Variants in TFEC observed in about 807,000 individuals in gnomAD.
TFEC encodes the protein transcription factor EC.
Under a neutral mutation model 41.6 loss-of-function variants are expected in TFEC, and 31 were observed. That is an observed-to-expected ratio of 0.74 (90% CI 0.56 to 1.01). The LOEUF (loss-of-function observed/expected upper bound fraction) is 1.01. Among genes scored for constraint, TFEC ranks in the 50% least tolerant of loss-of-function variants. The pLI is 0.00. For synonymous variants in TFEC, 143 were observed against 140.6 expected (o/e 1.02, Z -0.12); for missense variants, 402 against 404.1 (o/e 0.99, Z 0.04).
chr7:115,958,658 A>AG (rs780268567), intron 3 of TFEC, among the ~76,000 whole-genome samples: 22 of 152,012 alleles, frequency 1.4e-4, no homozygotes, highest in Non-Finnish European at 2.2e-4. Flanking sequence ...GACAGCACCC[A>AG]GTGCATTATT....
At chr7:116,059,624 A>G (rs4419752) in intron 3 of TFEC, among the ~76,000 whole-genome samples, 36,526 of 151,888 alleles carry the variant, frequency 0.24, 4,554 homozygotes, top group East Asian at 0.39. Flanking sequence ...CAACATTATC[A>G]AGTGAAAAAA....
chr7:116,142,209 A>C (rs1393401086), intron 1 of TFEC, among the ~76,000 whole-genome samples: 1 of 152,094 alleles, frequency 6.6e-6, no homozygotes, highest in Non-Finnish European at 1.5e-5. Flanking sequence ...GGGGTTCTCC[A>C]TTTTCTTCAC....
chr7:115,991,883 C>G (rs181273152), intron 1 of TFEC, among the ~76,000 whole-genome samples: 3 of 152,312 alleles, frequency 2.0e-5, no homozygotes, highest in Admixed American at 6.5e-5. Flanking sequence ...GAACTCTCCA[C>G]CTTAAATCAA....
chr7:116,030,023 G>A (rs1269244448), intron 1 of TFEC, among the ~76,000 whole-genome samples: 3 of 152,044 alleles, frequency 2.0e-5, no homozygotes, highest in African/African-American at 7.2e-5. Context: ...CAGAGATCAC[G>A]CCATTGCACT....
At chr7:116,143,684 A>T (rs1044503127) in intron 1 of TFEC, among the ~76,000 whole-genome samples, 1 of 152,196 alleles carries the variant, frequency 6.6e-6, no homozygotes. Flanking sequence ...TAGCAATTAG[A>T]AAAGGATCTG....
intron 1 of TFEC, among the ~76,000 whole-genome samples, chr7:116,118,887 C>A (rs1798050278): frequency 1.3e-5 from 2 of 151,714 alleles, no homozygotes; most frequent in South Asian, 4.1e-4. Context: ...TAAATGGGAT[C>A]CTGGTTATAG....
At chr7:116,062,367 G>A (rs1362944201) in intron 3 of TFEC, among the ~76,000 whole-genome samples, 1 of 149,286 alleles carries the variant, frequency 6.7e-6, no homozygotes, top group Non-Finnish European at 1.5e-5. Context: ...ACAGGCATGA[G>A]CCACAGTGCC....
At chr7:115,985,320 G>T (rs1211268423) in intron 1 of TFEC, among the ~76,000 whole-genome samples, 1 of 152,058 alleles carries the variant, frequency 6.6e-6, no homozygotes, top group Non-Finnish European at 1.5e-5. Context: ...TATCATTTGT[G>T]TAAGGACAAC....
intron 1 of TFEC, among the ~76,000 whole-genome samples, chr7:116,122,241 T>C (rs953279833): frequency 5.9e-5 from 9 of 152,130 alleles, no homozygotes; most frequent in African/African-American, 2.2e-4. Context: ...AGAAGTGACT[T>C]TTATGAACTG....
At chr7:116,090,364 C>T (rs68082461) in intron 3 of TFEC, among the ~76,000 whole-genome samples, 19,140 of 152,088 alleles carry the variant, frequency 0.13, 1,515 homozygotes, top group African/African-American at 0.22. Context: ...TATCTGGGCC[C>T]TTGAGCTCCT....
At chr7:116,072,585 T>A (rs1442672397) in intron 3 of TFEC, among the ~76,000 whole-genome samples, 1 of 151,656 alleles carries the variant, frequency 6.6e-6, no homozygotes, top group Non-Finnish European at 1.5e-5. Flanking sequence ...GGGACCATTT[T>A]TCTTAAAGAT....
At chr7:115,990,185 T>C (rs184664312) in intron 1 of TFEC, among the ~76,000 whole-genome samples, 2 of 152,146 alleles carry the variant, frequency 1.3e-5, no homozygotes, top group East Asian at 3.9e-4. Flanking sequence ...GAAGGAAAAC[T>C]AACAAAGAGA....
chr7:116,101,196 C>A (rs548483650), intron 3 of TFEC, among the ~76,000 whole-genome samples: 5 of 138,890 alleles, frequency 3.6e-5, no homozygotes, highest in East Asian at 2.1e-4. Flanking sequence ...ATGCCCCCCC[C>A]CAAAAAAAAG....
At chr7:116,039,846 A>G (rs768962292) in intron 3 of TFEC, among the ~76,000 whole-genome samples, 7 of 152,130 alleles carry the variant, frequency 4.6e-5, no homozygotes, top group Non-Finnish European at 1.0e-4. Flanking sequence ...AATACAAAAG[A>G]ATCATCAATG....
intron 3 of TFEC, among the ~76,000 whole-genome samples, chr7:116,109,847 C>T (rs984450968): frequency 1.3e-5 from 2 of 151,962 alleles, no homozygotes; most frequent in Admixed American, 1.3e-4. Flanking sequence ...AATGATAGAT[C>T]GGATTAAGAA....
At chr7:116,130,638 A>G (rs1292699044) in intron 1 of TFEC, among the ~76,000 whole-genome samples, 1 of 152,090 alleles carries the variant, frequency 6.6e-6, no homozygotes, top group East Asian at 1.9e-4. Context: ...TGGTGGGGAC[A>G]GTTTCCCTTT....
rs969993599 is a variant in TFEC, at chr7:115,936,866, T to G, written c.*3685A>C. 9.2e-5 allele frequency: 14 copies of G among 151,744 alleles called. No homozygotes were observed. Among genetic ancestry groups the G allele is most frequent in the African/African-American group, 3.1e-4 (13 of 41,496 alleles). The allele number at this position is 151,744 out of a possible 1,614,324, so 9.4% of individuals were successfully genotyped here. On this transcript the variant is annotated 3_prime_UTR_variant, in exon 8 of 8. Transcript: ENST00000265440. ...TATTTCTCAATGTCCCCAGCTCATC[T>G]GGCTATTTATTATTTAGGGCTTTTT...
intron 1 of TFEC, among the ~76,000 whole-genome samples, chr7:116,118,074 C>T (rs1271173722): frequency 6.6e-6 from 1 of 151,772 alleles, no homozygotes; most frequent in African/African-American, 2.4e-5. Flanking sequence ...AAAAGATCAA[C>T]TGATTTTTAT....
intron 6 of TFEC, among the ~76,000 whole-genome samples, chr7:115,949,938 C>T (rs558598578): frequency 1.6e-3 from 239 of 151,966 alleles, no homozygotes; most frequent in African/African-American, 5.4e-3. Context: ...AGAAAATTTT[C>T]GCAACCTACT....
Sources: gnomAD v4.1 joint callset for allele counts (sites outside exome capture counted in the v4.1 genomes callset) on GRCh38, gnomAD v4.1.1 for gene constraint, MANE v1.5 for transcripts, NCBI Gene and HGNC (gene_info 2026-07-23, HGNC 2026-07-21) for gene names.